The following DLGAP2 variants were observed in gnomAD, a reference collection of about 807,000 sequenced individuals.
DLGAP2 encodes the protein disks large-associated protein 2.
In DLGAP2, 26 loss-of-function variants were observed where a neutral mutation model predicts 100.3. That is an observed-to-expected ratio of 0.26 (90% CI 0.19 to 0.36). DLGAP2 has a LOEUF of 0.36. DLGAP2 is among the 10% of genes least tolerant of loss of function. DLGAP2 has a pLI of 1.00. For missense variants in DLGAP2, 1,858 were observed against 1,453.2 expected (o/e 1.28, Z -4.53); for synonymous variants, 886 against 630.1 (o/e 1.41, Z -6.08).
intron 1 of DLGAP2, among the ~76,000 whole-genome samples, chr8:788,614 C>T (rs1032274940): frequency 6.6e-6 from 1 of 152,228 alleles, no homozygotes; most frequent in Non-Finnish European, 1.5e-5. Context: ...GGTGAAGTAT[C>T]TCAGCTTGGA....
At chr8:945,049 C>A (rs1316340071) in intron 2 of DLGAP2, among the ~76,000 whole-genome samples, 2 of 152,196 alleles carry the variant, frequency 1.3e-5, no homozygotes, top group Non-Finnish European at 2.9e-5. Context: ...GAGCAAAGTT[C>A]TTTCCACCCC....
At chr8:930,400 G>T (rs770979708) in intron 2 of DLGAP2, among the ~76,000 whole-genome samples, 1 of 152,244 alleles carries the variant, frequency 6.6e-6, no homozygotes. Flanking sequence ...AAGAGTTCCT[G>T]TGCTGGGGTG....
chr8:1,108,351 C>T (rs774190591), intron 2 of DLGAP2, among the ~76,000 whole-genome samples: 1 of 152,174 alleles, frequency 6.6e-6, no homozygotes, highest in Non-Finnish European at 1.5e-5. Flanking sequence ...ATAGAACAAA[C>T]GAAACCCTGG....
intron 1 of DLGAP2, among the ~76,000 whole-genome samples, chr8:870,518 C>T (rs1270009495): frequency 2.0e-5 from 3 of 152,140 alleles, no homozygotes; most frequent in Non-Finnish European, 2.9e-5. Flanking sequence ...TGCCGTCTGT[C>T]TCCTCTCACT....
chr8:845,045 C>T (rs75431557), intron 1 of DLGAP2, among the ~76,000 whole-genome samples: 1 of 152,158 alleles, frequency 6.6e-6, no homozygotes, highest in South Asian at 2.1e-4. Flanking sequence ...TACAGATATA[C>T]CACATTTTAT....
intron 2 of DLGAP2, among the ~76,000 whole-genome samples, chr8:1,122,064 C>G (rs879624152): frequency 1.3e-5 from 2 of 152,116 alleles, no homozygotes; most frequent in Non-Finnish European, 2.9e-5. Context: ...GGTAATGCCC[C>G]AAGCCATTGA....
Position 1,260,089 on chromosome 8 carries a change from G to T in DLGAP2, c.106+1206G>T, listed in dbSNP as rs142157699. Among the ~76,000 whole-genome samples the T allele has an allele frequency of 7.7e-3, 1,168 of 152,252 alleles. 14 individuals carry two copies. Among genetic ancestry groups the T allele is most frequent in the South Asian group, 0.047 (227 of 4,810 alleles). ...GGGGCTGTTCCCGGGTGGAGCCTGG[G>T]ATGCTGGTCTGGGTGTGGCAGAGGC... On this transcript the variant is annotated intron_variant, in intron 3 of 14. Coordinates refer to ENST00000637795, the MANE Select transcript of DLGAP2 (RefSeq NM_001346810.2).
chr8:947,414 C>T (rs1799355255), intron 2 of DLGAP2, among the ~76,000 whole-genome samples: 1 of 152,254 alleles, frequency 6.6e-6, no homozygotes, highest in Non-Finnish European at 1.5e-5. Flanking sequence ...GCTGGCCTTG[C>T]ACTTGCTGCG....
At chr8:803,295 C>T in intron 1 of DLGAP2, among the ~76,000 whole-genome samples, 1 of 152,230 alleles carries the variant, frequency 6.6e-6, no homozygotes, top group East Asian at 1.9e-4. Flanking sequence ...ATCTCTGCCT[C>T]TCTTCCTAGA....
At chr8:937,326 G>A (rs969392086) in intron 2 of DLGAP2, among the ~76,000 whole-genome samples, 8 of 152,172 alleles carry the variant, frequency 5.3e-5, no homozygotes. Flanking sequence ...AAACAAGAGT[G>A]ATGTTTTAAG....
chr8:1,434,248 G>A (rs557148077), intron 3 of DLGAP2, among the ~76,000 whole-genome samples: 26 of 152,218 alleles, frequency 1.7e-4, no homozygotes, highest in African/African-American at 4.8e-4. Context: ...AGGAAATCTC[G>A]TTCCGTTTTC....
chr8:923,092 G>C (rs560806389), intron 2 of DLGAP2, among the ~76,000 whole-genome samples: 1 of 152,182 alleles, frequency 6.6e-6, no homozygotes, highest in African/African-American at 2.4e-5. Flanking sequence ...GGTGTTCCCT[G>C]ACTGCAGCAA....
At chr8:998,434 G>A (rs1480061033) in intron 2 of DLGAP2, among the ~76,000 whole-genome samples, 1 of 151,952 alleles carries the variant, frequency 6.6e-6, no homozygotes, top group African/African-American at 2.4e-5. Context: ...CTTCATGGCT[G>A]GGACTACAGG....
At chr8:1,120,210 C>A (rs777677010) in intron 2 of DLGAP2, among the ~76,000 whole-genome samples, 1 of 152,126 alleles carries the variant, frequency 6.6e-6, no homozygotes, top group Non-Finnish European at 1.5e-5. Context: ...AGAGAGCCAT[C>A]CTCCATGCAG....
intron 5 of DLGAP2, among the ~76,000 whole-genome samples, chr8:1,551,213 C>T (rs543711114): frequency 2.6e-5 from 4 of 152,214 alleles, no homozygotes; most frequent in Non-Finnish European, 4.4e-5. Flanking sequence ...TGTTTGCCGT[C>T]GGCAAACCCT....
chr8:884,391 G>A (rs1050521238), intron 1 of DLGAP2, among the ~76,000 whole-genome samples: 1 of 152,144 alleles, frequency 6.6e-6, no homozygotes, highest in African/African-American at 2.4e-5. Context: ...GTGATGATCA[G>A]TGATGTTGAG....
chr8:1,179,141 T>C (rs1192547393), intron 2 of DLGAP2, among the ~76,000 whole-genome samples: 1 of 152,276 alleles, frequency 6.6e-6, no homozygotes, highest in Non-Finnish European at 1.5e-5. Context: ...CTGGAGTGTT[T>C]CAGGGACTTA....
intron 2 of DLGAP2, among the ~76,000 whole-genome samples, chr8:1,006,920 C>T (rs1446043813): frequency 2.4e-5 from 3 of 122,640 alleles, no homozygotes; most frequent in African/African-American, 3.1e-5. Flanking sequence ...GGGCGCCCTG[C>T]GTCTCAAGTC....
intron 3 of DLGAP2, among the ~76,000 whole-genome samples, chr8:1,460,239 A>G (rs942456967): frequency 2.0e-5 from 3 of 152,332 alleles, no homozygotes; most frequent in African/African-American, 7.2e-5. Flanking sequence ...ACTTGCTCCA[A>G]TACAACAGAG....
Sources: gnomAD v4.1 joint callset for allele counts (sites outside exome capture counted in the v4.1 genomes callset) on GRCh38, gnomAD v4.1.1 for gene constraint, MANE v1.5 for transcripts, NCBI Gene and HGNC (gene_info 2026-07-23, HGNC 2026-07-21) for gene names.